The following UBR4 variants were observed in gnomAD, a reference collection of about 807,000 sequenced individuals.
UBR4 encodes E3 ubiquitin-protein ligase UBR4.
A neutral mutation model predicts 575.6 loss-of-function variants in UBR4; 124 were observed. The observed-to-expected ratio is 0.22, with a 90% CI of 0.19 to 0.25. The LOEUF is 0.25. Among genes scored for constraint, UBR4 ranks in the 10% least tolerant of loss-of-function variants. The pLI is 1.00. For missense variants in UBR4, 4,818 were observed against 6,478.8 expected, an observed-to-expected ratio of 0.74 and a Z score of 8.80; for synonymous variants, 2,455 against 2,473.7, an observed-to-expected ratio of 0.99 and a Z score of 0.22.
At chr1:19,160,787 C>T in intron 38 of UBR4, 130 bp downstream of exon 38, 1 of 853,346 alleles carries the variant, frequency 1.2e-6, no homozygotes, top group Non-Finnish European at 1.9e-6. Context: ...ATAGTATTTG[C>T]ATTCACACTA....
chr1:19,145,723 T>A, intron 53 of UBR4, 70 bp downstream of exon 53: 7 of 1,547,084 alleles, frequency 4.5e-6, no homozygotes, highest in Non-Finnish European at 6.2e-6. Context: ...TGGCTAACGG[T>A]CATAGCTGTT....
At chr1:19,170,689 G>A (rs2089387419) in intron 26 of UBR4, 73 bp downstream of exon 26, 1 of 1,597,814 alleles carries the variant, frequency 6.3e-7, no homozygotes, top group South Asian at 1.1e-5. Context: ...TAGGCACCAA[G>A]GGAGAGAAGC....
Position 19,169,548 on chromosome 1 carries a change from A to T in UBR4, c.3644-16T>A. ...AGTGTCGGACCTGGAGGCGACAGAA[A>T]GGACAAGGAATCATCACAAGAAAGA... On this transcript the variant is annotated splice_polypyrimidine_tract_variant and intron_variant, in intron 26 of 105. Transcript: ENST00000375254. 1.2e-6 allele frequency: 2 copies of T among 1,607,066 alleles called. No homozygotes were observed. The highest frequency in any genetic ancestry group is 1.7e-6 in the Non-Finnish European group (2 of 1,176,468).
At position 19,088,545 on chromosome 1, in the gene UBR4, G is replaced by A. The variant is rs2077226691; in HGVS notation, c.14430+214C>T. On this transcript the variant is annotated intron_variant, in intron 98 of 105. Coordinates refer to ENST00000375254, the MANE Select transcript of UBR4 (RefSeq NM_020765.3). This position sits in a 1 kb window ranked among gnomAD's most constrained non-coding sequence, Gnocchi z 4.0. Reference sequence around the variant, plus strand: ...TAATGGCTATTATCACTGGTTTACTGTTTTGGTAAACTTCGTAAGTCACTT... The same window carrying A: ...TAATGGCTATTATCACTGGTTTACTATTTTGGTAAACTTCGTAAGTCACTT... 2.0e-5 allele frequency among the ~76,000 whole-genome samples: 3 copies of A among 152,178 alleles called. No individual in the cohort carries two copies. Among genetic ancestry groups the A allele is most frequent in the African/African-American group, 7.2e-5 (3 of 41,438 alleles).
chr1:19,164,647 C>G (rs1282663255), intron 32 of UBR4, 152 bp downstream of exon 32: 2 of 1,175,714 alleles, frequency 1.7e-6, no homozygotes, highest in East Asian at 5.0e-5. Flanking sequence ...GGAAAAAAAT[C>G]AAGGAGCTAC....
intron 11 of UBR4, among the ~76,000 whole-genome samples, chr1:19,191,456 G>A (rs1450691165): frequency 2.0e-5 from 3 of 152,088 alleles, no homozygotes; most frequent in African/African-American, 7.2e-5. Flanking sequence ...GGGCAACAGA[G>A]GGAGACTATG....
chr1:19,081,477 G>C lies in UBR4; in HGVS notation c.15105C>G (p.Pro5035=), dbSNP rs1225123940. 6.2e-7 allele frequency: 1 copy of C among 1,613,986 alleles called. No homozygotes were observed. Among genetic ancestry groups the C allele is most frequent in the South Asian group, 1.1e-5 (1 of 91,074 alleles). ...GAAGGGCCAAGACTGTGAAATAGTA[G>C]GGCCCGTCCACTTCAAAGGCACTCT... ...WVESAFEVDG[P]YYFTVLALHI... Residue 5035 remains proline, a synonymous_variant, in exon 103 of 106, where the codon CCC becomes CCG. Transcript: ENST00000375254.
chr1:19,113,757 G>A lies in UBR4; in HGVS notation c.11399C>T (p.Ala3800Val), dbSNP rs760356476. The A allele has an allele frequency of 5.6e-6, 9 of 1,614,202 alleles. No individual in the cohort carries two copies. The highest frequency in any genetic ancestry group is 7.6e-6 in the Non-Finnish European group (9 of 1,180,024). Residue 3800 changes from alanine to valine, a missense_variant, in exon 77 of 106, where the codon GCT (alanine) becomes GTT (valine). Coordinates refer to ENST00000375254, the MANE Select transcript of UBR4 (RefSeq NM_020765.3). ...CTTGCAGTCTCCACAATACTCCTGAGCCAACTGCAGGATGTAACGATTCAC... is the reference window on the plus strand; with the variant it reads ...CTTGCAGTCTCCACAATACTCCTGAACCAACTGCAGGATGTAACGATTCAC... ...ASVNRYILQL[A>V]QEYCGDCKNS...
At chr1:19,103,382 T>C (rs937028066) in intron 87 of UBR4, among the ~76,000 whole-genome samples, 2 of 152,052 alleles carry the variant, frequency 1.3e-5, no homozygotes, top group African/African-American at 4.8e-5. Context: ...CTGACCAAAA[T>C]GGAGAAATCC....
At position 19,144,883 on chromosome 1, in the gene UBR4, A is replaced by G. The variant is rs1416162580; in HGVS notation, c.7970T>C (p.Val2657Ala). The G allele has an allele frequency of 2.5e-6, 4 of 1,614,026 alleles. No individual in the cohort carries two copies. The highest frequency in any genetic ancestry group is 3.4e-6 in the Non-Finnish European group (4 of 1,180,024). ...LPGLTHIEAT[V>A]NALVDIIHGY... is the part of the protein sequence containing the mutation. ...ATGGATGATGTCCACCAGAGCATTG[A>G]CAGTAGCTTCAATATGAGTTAGTCC... is the stretch of plus-strand genomic sequence containing the variant. The change falls in exon 54 of 106, where the codon GTC (valine) becomes GCC (alanine). Residue 2657 changes from valine (V) to alanine (A), a missense_variant. By Grantham distance (64) the Val-to-Ala change is moderately conservative (BLOSUM62 0). Around this residue, in one of 29 missense-constraint regions of UBR4, gnomAD observed 340 missense variants for 375.4 expected, o/e 0.91. Coordinates refer to ENST00000375254, the MANE Select transcript of UBR4 (RefSeq NM_020765.3).
Position 19,156,206 on chromosome 1 carries a change from T to C in UBR4, c.6072+65A>G, listed in dbSNP as rs2086430829. Reference sequence around the variant, plus strand: ...TTAACTCCTGGGAGAAGCTAGCACATAGTGATTCTGGATTTAAAAGTAGAA... The same window carrying C: ...TTAACTCCTGGGAGAAGCTAGCACACAGTGATTCTGGATTTAAAAGTAGAA... On this transcript the variant is annotated intron_variant, in intron 42 of 105. Coordinates refer to ENST00000375254, the MANE Select transcript of UBR4 (RefSeq NM_020765.3). 2.5e-6 allele frequency: 4 copies of C among 1,585,832 alleles called. No individual in the cohort carries two copies. In the East Asian group the frequency reaches 6.7e-5, roughly 27 times the overall value.
intron 87 of UBR4, among the ~76,000 whole-genome samples, chr1:19,103,608 C>T (rs1355641385): frequency 2.6e-5 from 4 of 152,116 alleles, no homozygotes; most frequent in Admixed American, 2.0e-4. Context: ...TCTAGAACCA[C>T]AAGAATTCAA....
At chr1:19,180,682 A>T (rs1390007868) in intron 17 of UBR4, among the ~76,000 whole-genome samples, 1 of 152,158 alleles carries the variant, frequency 6.6e-6, no homozygotes, top group African/African-American at 2.4e-5. Context: ...AGTAACATAT[A>T]TTCCTTATAA....
chr1:19,179,133 A>G lies in UBR4; in HGVS notation c.2272T>C (p.Ser758Pro). The G allele has an allele frequency of 6.2e-7, 1 of 1,613,936 alleles. No homozygotes were observed. The highest frequency in any genetic ancestry group is 8.5e-7 in the Non-Finnish European group (1 of 1,179,962). ...YIHPQSLSVLSRLLLIWQHKA... is the reference protein window; with the variant it reads ...YIHPQSLSVLPRLLLIWQHKA... Reference sequence around the variant, plus strand: ...TGTTGCCAGATGAGCAGGAGGCGTGAAAGCACAGAGAGGCTTTGAGGGTGA... The same window carrying G: ...TGTTGCCAGATGAGCAGGAGGCGTGGAAGCACAGAGAGGCTTTGAGGGTGA... Residue 758 changes from serine to proline, a missense_variant, in exon 18 of 106, where the codon TCA (serine) becomes CCA (proline). Physicochemically the swap from Ser to Pro is moderately conservative, Grantham distance 74 (BLOSUM62 -1). Around this residue, in one of 29 missense-constraint regions of UBR4, gnomAD observed 1,172 missense variants for 1,259.7 expected, o/e 0.93. Coordinates refer to ENST00000375254, the MANE Select transcript of UBR4 (RefSeq NM_020765.3).
intron 54 of UBR4, among the ~76,000 whole-genome samples, chr1:19,144,356 C>T (rs980167606): frequency 6.6e-6 from 1 of 152,138 alleles, no homozygotes; most frequent in African/African-American, 2.4e-5. Flanking sequence ...CCATTTTGGC[C>T]CCTTACAAAT....
intron 60 of UBR4, among the ~76,000 whole-genome samples, chr1:19,131,243 TAAAAAAAAAAAAA>T (rs869155620): frequency 3.9e-5 from 4 of 102,948 alleles, no homozygotes; most frequent in Admixed American, 3.4e-4. Context: ...TCTTGAAACT[TAAAAAAAAAAAAA>T]AAAAAAAAAA....
intron 87 of UBR4, among the ~76,000 whole-genome samples, chr1:19,102,187 G>A (rs966147595): frequency 2.6e-5 from 4 of 152,162 alleles, no homozygotes; most frequent in Admixed American, 6.5e-5. Context: ...GCAATGTGGC[G>A]AAATGCCATC....
At chr1:19,180,142 G>T (rs1296136557) in intron 17 of UBR4, among the ~76,000 whole-genome samples, 10 of 152,056 alleles carry the variant, frequency 6.6e-5, no homozygotes, top group Admixed American at 6.6e-4. Context: ...GATGGTGAAG[G>T]TCTCTAAGTG....
rs768616892 is a variant in UBR4, at chr1:19,105,202, G to C, written c.12504-13C>G. The C allele has an allele frequency of 6.2e-7, 1 of 1,608,674 alleles. No homozygotes were observed. The highest frequency in any genetic ancestry group is 1.7e-5 in the Admixed American group (1 of 58,384). ...CTCATCCAGGTAACTGCCACCAAGA[G>C]GGACAGGGCACTCTAGTCAAGAACT... On this transcript the variant is annotated splice_polypyrimidine_tract_variant and intron_variant, in intron 84 of 105. Transcript: ENST00000375254.
Sources: allele counts gnomAD v4.1 joint callset (sites outside exome capture counted in the v4.1 genomes callset), GRCh38; gene constraint gnomAD v4.1.1; regional missense constraint gnomAD v4.1.1; non-coding constraint Gnocchi (gnomAD v3.1); transcripts MANE v1.5; gene names NCBI Gene and HGNC (gene_info 2026-07-23, HGNC 2026-07-21).